C1orf94: variants seen among roughly 807,000 people sequenced by gnomAD.
C1orf94 encodes the protein uncharacterized protein C1orf94.
A neutral mutation model predicts 53.6 loss-of-function variants in C1orf94; 45 were observed. The observed-to-expected ratio is 0.84, with a 90% confidence interval of 0.66 to 1.08. The LOEUF (loss-of-function observed/expected upper bound fraction) is 1.08, where lower values mean the gene tolerates loss of function less well. Ranked by LOEUF, C1orf94 falls within the 50% of genes least tolerant of loss-of-function variation. The probability of loss-of-function intolerance (pLI) is 0.00; values close to 1 mark genes in which losing one functional copy is unlikely to be tolerated. For missense variants in C1orf94, 762 were observed against 738.9 expected (o/e 1.03, Z -0.36); for synonymous variants, 304 against 296.1 (o/e 1.03, Z -0.27).
chr1:34,207,121 G>A (rs922609655), intron 4 of C1orf94, among the ~76,000 whole-genome samples: 1 of 152,152 alleles, frequency 6.6e-6, no homozygotes, highest in Admixed American at 6.5e-5. Context: ...AGCCTCTCGG[G>A]CAGCAGATCT....
rs147136282 is a variant in C1orf94 at position 34,213,491 on chromosome 1, C to T, written c.1721+1085C>T. 9.9e-3 allele frequency among the ~76,000 whole-genome samples: 1,506 copies of T among 151,974 alleles called. 20 individuals carry two copies. Among genetic ancestry groups the T allele is most frequent in the Non-Finnish European group, 0.013 (878 of 67,954 alleles). ...CACGGAGAATGTTCAAGAAGGTGGTCGATAGTATTATTTAAACATGAAATC... is the reference window on the plus strand; with the variant it reads ...CACGGAGAATGTTCAAGAAGGTGGTTGATAGTATTATTTAAACATGAAATC... On this transcript the variant is annotated intron_variant, in intron 6 of 6. Coordinates refer to ENST00000488417, the MANE Select transcript of C1orf94 (RefSeq NM_001134734.2).
chr1:34,217,069 G>A (rs2148624921), intron 6 of C1orf94, among the ~76,000 whole-genome samples: 1 of 152,298 alleles, frequency 6.6e-6, no homozygotes, highest in East Asian at 1.9e-4. Flanking sequence ...GACAGAGTAA[G>A]ACTCTGTTTC....
upstream of C1orf94, among the ~76,000 whole-genome samples, chr1:34,175,190 A>ATTTTTTTTTTTTTTTTTT (rs10608833): frequency 7.5e-6 from 1 of 133,212 alleles, no homozygotes. Flanking sequence ...GCTGTATTTG[A>ATTTTTTTTTTTTTTTTTT]TTTTTTTTTT....
chr1:34,214,322 A>G (rs1246465190), intron 6 of C1orf94, among the ~76,000 whole-genome samples: 2 of 152,172 alleles, frequency 1.3e-5, no homozygotes, highest in Admixed American at 1.3e-4. Context: ...GGAAAATAGG[A>G]TTGGAAAAGG....
Position 34,170,604 on chromosome 1 carries a change from G to A in C1orf94, c.-251+3433G>A, listed in dbSNP as rs1642131748. ...CTTATTTGTCCCTGCTGGTGGATGG[G>A]CAACTCTAGGATGGAAACCTCTTTT... On this transcript the variant is annotated intron_variant, in intron 1 of 6. Coordinates refer to the C1orf94 transcript ENST00000373374. Among the ~76,000 whole-genome samples, 5 of 152,028 alleles carry A rather than the reference G, an allele frequency of 3.3e-5. No homozygotes were observed. In the South Asian group the frequency reaches 1.0e-3, roughly 31 times the overall value.
chr1:34,199,395 C>T (rs1198574359), intron 2 of C1orf94, among the ~76,000 whole-genome samples: 1 of 152,190 alleles, frequency 6.6e-6, no homozygotes, highest in Non-Finnish European at 1.5e-5. Context: ...CTGGAAAAGA[C>T]TCTAGGGATG....
rs1643017082 is a variant in C1orf94 at position 34,217,939 on chromosome 1, T to C, written c.1722-747T>C. 1.3e-5 allele frequency among the ~76,000 whole-genome samples: 2 copies of C among 152,212 alleles called. 1 individual carries two copies. On this transcript the variant is annotated intron_variant, in intron 6 of 6. Coordinates refer to ENST00000488417, the MANE Select transcript of C1orf94 (RefSeq NM_001134734.2). ...TATCTGAGCAGATGGGTGAAGAAATTACAGTAGGATTCCAGCAGTGTGAGT... is the reference window on the plus strand; with the variant it reads ...TATCTGAGCAGATGGGTGAAGAAATCACAGTAGGATTCCAGCAGTGTGAGT...
At chr1:34,217,986 T>C (rs1643017559) in intron 6 of C1orf94, among the ~76,000 whole-genome samples, 1 of 152,076 alleles carries the variant, frequency 6.6e-6, no homozygotes, top group South Asian at 2.1e-4. Flanking sequence ...TCTGGAGAGG[T>C]CAGGGAAGTC....
chr1:34,184,880 G>A (rs1642362486), intron 1 of C1orf94, among the ~76,000 whole-genome samples: 1 of 152,022 alleles, frequency 6.6e-6, no homozygotes, highest in Admixed American at 6.6e-5. Flanking sequence ...ACCTGGTGAT[G>A]GGAGTGATAA....
chr1:34,170,366 C>A (rs1002914957), intron 1 of C1orf94, among the ~76,000 whole-genome samples: 1 of 152,110 alleles, frequency 6.6e-6, no homozygotes, highest in Non-Finnish European at 1.5e-5. Flanking sequence ...AGAGATATAG[C>A]ATGTGATGGA....
chr1:34,195,548 A>G (rs531462875), intron 1 of C1orf94, among the ~76,000 whole-genome samples: 3 of 151,994 alleles, frequency 2.0e-5, no homozygotes, highest in East Asian at 3.9e-4. Flanking sequence ...GTACATTCCC[A>G]TGTCTTTAGT....
intron 1 of C1orf94, among the ~76,000 whole-genome samples, chr1:34,183,949 A>G (rs771565592): frequency 6.6e-6 from 1 of 152,154 alleles, no homozygotes; most frequent in Non-Finnish European, 1.5e-5. Context: ...GACCTCCTTT[A>G]TGAACTTTCA....
At chr1:34,178,265 G>A (rs1166095339) in intron 1 of C1orf94, among the ~76,000 whole-genome samples, 156 bp downstream of exon 1, 1 of 152,192 alleles carries the variant, frequency 6.6e-6, no homozygotes, top group African/African-American at 2.4e-5. Flanking sequence ...TTATAGAAGA[G>A]CTGACCAAAG....
intron 1 of C1orf94, among the ~76,000 whole-genome samples, chr1:34,179,522 C>T (rs181031550): frequency 1.3e-5 from 2 of 152,364 alleles, no homozygotes; most frequent in Non-Finnish European, 2.9e-5. Context: ...TTCCAGTCTG[C>T]ACTTGGCTGA....
rs761432197 is a variant in C1orf94, at chr1:34,197,845, T to G, written c.941T>G (p.Leu314Arg). 1.9e-6 allele frequency: 3 copies of G among 1,614,190 alleles called. No homozygotes were observed. In the African/African-American group the frequency reaches 4.0e-5, roughly 22 times the overall value. ...GAGCTCCCTGCTCAGAAGAGGCAGC[T>G]CCCAGTGTTTGCCAAGATCTGTTCC... ...LPELPAQKRQ[L>R]PVFAKICSKP... The change falls in exon 2 of 7, where the codon CTC becomes CGC. Residue 314 changes from leucine (L) to arginine (R), a missense_variant. Transcript: ENST00000488417. The surrounding 1 kb of genome is among the most constrained non-coding windows in gnomAD (Gnocchi z 4.1).
intron 1 of C1orf94, among the ~76,000 whole-genome samples, chr1:34,195,326 T>G (rs1457663387): frequency 6.6e-6 from 1 of 152,122 alleles, no homozygotes; most frequent in Non-Finnish European, 1.5e-5. Context: ...CAGGTGATGT[T>G]AGGTGTCACA....
upstream of C1orf94, among the ~76,000 whole-genome samples, chr1:34,176,059 A>G (rs1642219728): frequency 6.6e-6 from 1 of 152,022 alleles, no homozygotes; most frequent in Non-Finnish European, 1.5e-5. Flanking sequence ...GAGAGCAGGG[A>G]CCATGCCATT....
chr1:34,174,803 A>C (rs1300796510), upstream of C1orf94, among the ~76,000 whole-genome samples: 3 of 152,222 alleles, frequency 2.0e-5, no homozygotes, highest in South Asian at 2.1e-4. Context: ...AAACTAATAC[A>C]CCAAGGCACA....
At chr1:34,204,821 G>GTTCAACTTGAACACTATA (rs764084660) in intron 4 of C1orf94, among the ~76,000 whole-genome samples, 15 of 151,706 alleles carry the variant, frequency 9.9e-5, no homozygotes, top group African/African-American at 2.4e-4. Context: ...CTTGAGCTCA[G>GTTCAACTTGAACACTATA]GTGTTCAAGA....
Sources: gnomAD v4.1 joint callset for allele counts (sites outside exome capture counted in the v4.1 genomes callset) on GRCh38, gnomAD v4.1.1 for gene constraint, Gnocchi (gnomAD v3.1) non-coding constraint, MANE v1.5 for transcripts, NCBI Gene and HGNC (gene_info 2026-07-23, HGNC 2026-07-21) for gene names.